Variants in QTMAN observed in about 807,000 individuals in gnomAD.
QTMAN encodes the protein queuosine-tRNA mannosyltransferase.
At chr2:144,191,202 T>C in the QTMAN span, among the ~76,000 whole-genome samples, 4 of 152,334 alleles carry the variant, frequency 2.6e-5, no homozygotes, top group South Asian at 6.2e-4. Context: ...AAATTCATTA[T>C]ATCTATCTTT....
the QTMAN span, among the ~76,000 whole-genome samples, chr2:144,236,503 G>T: frequency 6.6e-6 from 1 of 151,478 alleles, no homozygotes; most frequent in Non-Finnish European, 1.5e-5. Context: ...AACTCACACA[G>T]TAACTCATCC....
the QTMAN span, among the ~76,000 whole-genome samples, chr2:144,026,805 A>T: frequency 6.6e-6 from 1 of 152,204 alleles, no homozygotes; most frequent in Non-Finnish European, 1.5e-5. Flanking sequence ...TATGTACTCA[A>T]ATAAACTTCA....
chr2:144,131,311 G>A, the QTMAN span, among the ~76,000 whole-genome samples: 9 of 151,784 alleles, frequency 5.9e-5, no homozygotes, highest in East Asian at 3.9e-4. Flanking sequence ...TCAATACTTC[G>A]AAATCTCCCG....
the QTMAN span, among the ~76,000 whole-genome samples, chr2:143,953,009 G>T: frequency 1.3e-5 from 2 of 151,798 alleles, no homozygotes; most frequent in African/African-American, 4.8e-5. Flanking sequence ...TCTTTTAAAA[G>T]ATTTTATTGA....
At chr2:144,100,624 A>G in the QTMAN span, among the ~76,000 whole-genome samples, 2 of 152,172 alleles carry the variant, frequency 1.3e-5, no homozygotes, top group African/African-American at 4.8e-5. Flanking sequence ...GATAATATCC[A>G]ATGTTATCAA....
chr2:144,215,249 T>A, the QTMAN span, among the ~76,000 whole-genome samples: 8,800 of 139,662 alleles, frequency 0.063, 304 homozygotes, highest in South Asian at 0.091. Context: ...CTTTATTTTT[T>A]AAAAAAAAAA....
At chr2:144,121,455 G>A in the QTMAN span, among the ~76,000 whole-genome samples, 25 of 152,120 alleles carry the variant, frequency 1.6e-4, no homozygotes, top group Admixed American at 1.3e-4. Flanking sequence ...AGCTCAGAAC[G>A]CTGAACACAT....
the QTMAN span, among the ~76,000 whole-genome samples, chr2:144,297,996 T>C: frequency 6.6e-6 from 1 of 151,876 alleles, no homozygotes; most frequent in Non-Finnish European, 1.5e-5. Context: ...GGTAAAAGTA[T>C]TACGACTACA....
chr2:144,202,636 A>G, the QTMAN span, among the ~76,000 whole-genome samples: 2 of 151,088 alleles, frequency 1.3e-5, no homozygotes, highest in Non-Finnish European at 2.9e-5. Flanking sequence ...TTCCCCGTTT[A>G]TTTTCCATTC....
chr2:144,026,892 T>C, the QTMAN span, among the ~76,000 whole-genome samples: 1 of 152,232 alleles, frequency 6.6e-6, no homozygotes, highest in Non-Finnish European at 1.5e-5. Context: ...GTAAGCATTC[T>C]TCCCCTATTT....
the QTMAN span, among the ~76,000 whole-genome samples, chr2:144,075,420 C>A: frequency 1.3e-5 from 2 of 152,146 alleles, no homozygotes; most frequent in Admixed American, 6.5e-5. Context: ...TGTTTAATTT[C>A]TTTTCAAGGT....
At chr2:144,211,176 T>C in the QTMAN span, 1 of 152,188 alleles carries the variant, frequency 6.6e-6, no homozygotes, top group Admixed American at 6.5e-5. Flanking sequence ...GCAGTACATG[T>C]AGATGCTCCT....
the QTMAN span, among the ~76,000 whole-genome samples, chr2:144,264,487 C>T: frequency 6.6e-6 from 1 of 152,194 alleles, no homozygotes; most frequent in Non-Finnish European, 1.5e-5. Flanking sequence ...GGAAATGTGA[C>T]TTAAAATTAA....
chr2:144,257,513 C>T, the QTMAN span, among the ~76,000 whole-genome samples: 2 of 152,148 alleles, frequency 1.3e-5, no homozygotes, highest in East Asian at 1.9e-4. Context: ...AGACTACTTA[C>T]TACATAGGCT....
chr2:144,324,122 G>C, the QTMAN span, among the ~76,000 whole-genome samples: 784 of 152,286 alleles, frequency 5.1e-3, 7 homozygotes, highest in African/African-American at 0.018. Flanking sequence ...GGTTACCGAA[G>C]TGGAAAGTGA....
chr2:144,107,729 A>G, the QTMAN span, among the ~76,000 whole-genome samples: 1 of 152,218 alleles, frequency 6.6e-6, no homozygotes, highest in African/African-American at 2.4e-5. Context: ...ATAGAAAAAG[A>G]GGTATTCCTC....
At chr2:144,208,712 C>A in the QTMAN span, 73 of 1,613,718 alleles carry the variant, frequency 4.5e-5, no homozygotes, top group South Asian at 2.3e-4. Context: ...TCTCCTAACT[C>A]TTCTTGAAGA....
chr2:144,201,527 A>C, the QTMAN span, among the ~76,000 whole-genome samples: 720 of 152,318 alleles, frequency 4.7e-3, 3 homozygotes, highest in South Asian at 0.011. Flanking sequence ...GGGATTATTT[A>C]ATCAAGGTTA....
At chr2:144,107,398 C>T in the QTMAN span, among the ~76,000 whole-genome samples, 1 of 152,042 alleles carries the variant, frequency 6.6e-6, no homozygotes, top group Non-Finnish European at 1.5e-5. Context: ...ATCAAATAGA[C>T]ACAATAAAAA....
Sources: gnomAD v4.1 joint callset for allele counts (sites outside exome capture counted in the v4.1 genomes callset) on GRCh38, gnomAD v4.1.1 for gene constraint, MANE v1.5 for transcripts, NCBI Gene and HGNC (gene_info 2026-07-23, HGNC 2026-07-21) for gene names.